The following ATOSA variants were observed in gnomAD, a reference collection of about 807,000 sequenced individuals.
ATOSA encodes the protein atos homolog protein A.
chr15:52,601,112 T>C, the ATOSA span: 3 of 1,540,852 alleles, frequency 1.9e-6, no homozygotes, highest in Non-Finnish European at 8.7e-7. Flanking sequence ...TTTTCAGATG[T>C]AGTAATGAAG....
chr15:52,647,265 T>G, the ATOSA span, among the ~76,000 whole-genome samples: 30 of 152,098 alleles, frequency 2.0e-4, no homozygotes, highest in Non-Finnish European at 4.0e-4. Flanking sequence ...TCACAAAAAT[T>G]TTACCCTTGA....
the ATOSA span, chr15:52,582,048 G>A: frequency 1.1e-5 from 10 of 908,196 alleles, no homozygotes; most frequent in Admixed American, 1.2e-4. Flanking sequence ...CAGGATAACA[G>A]GAGAGAATCC....
At chr15:52,614,451 TA>T in the ATOSA span, among the ~76,000 whole-genome samples, 1 of 152,060 alleles carries the variant, frequency 6.6e-6, no homozygotes, top group African/African-American at 2.4e-5. Flanking sequence ...CTTTTCTAAT[TA>T]AAAAGTGACA....
chr15:52,581,720 C>T, the ATOSA span: 1 of 153,546 alleles, frequency 6.5e-6, no homozygotes, highest in African/African-American at 2.4e-5. Context: ...ATGAACAGCA[C>T]TTAACACATT....
chr15:52,593,039 G>A, the ATOSA span, among the ~76,000 whole-genome samples: 2 of 152,086 alleles, frequency 1.3e-5, no homozygotes, highest in African/African-American at 4.8e-5. Flanking sequence ...CAGCTATTTA[G>A]GAGCTCCAAG....
chr15:52,608,426 T>C, the ATOSA span: 1 of 712,544 alleles, frequency 1.4e-6, no homozygotes, highest in Non-Finnish European at 2.1e-6. Context: ...TTAATACTAG[T>C]TCTGTAGGTT....
chr15:52,676,064 CAG>C, the ATOSA span, among the ~76,000 whole-genome samples: 12 of 151,770 alleles, frequency 7.9e-5, no homozygotes, highest in Non-Finnish European at 1.6e-4. Flanking sequence ...ACATAAAAAT[CAG>C]AATAAAAAAA....
At chr15:52,644,929 C>A in the ATOSA span, among the ~76,000 whole-genome samples, 1,852 of 152,270 alleles carry the variant, frequency 0.012, 23 homozygotes, top group African/African-American at 0.034. Context: ...CTTATGTGAG[C>A]AGCTGAGGGC....
the ATOSA span, chr15:52,611,668 C>G: frequency 2.5e-6 from 4 of 1,613,944 alleles, no homozygotes; most frequent in Non-Finnish European, 3.4e-6. Flanking sequence ...TGTGGTGGGC[C>G]CATCATCGCT....
At chr15:52,684,667 T>G in the ATOSA span, among the ~76,000 whole-genome samples, 6 of 152,256 alleles carry the variant, frequency 3.9e-5, no homozygotes, top group Admixed American at 3.9e-4. Context: ...GTGAATCTAA[T>G]TTTTTAACTG....
chr15:52,635,181 G>A, the ATOSA span, among the ~76,000 whole-genome samples: 3 of 152,100 alleles, frequency 2.0e-5, no homozygotes. Context: ...AGGAGAAATA[G>A]AAACACCCAC....
the ATOSA span, chr15:52,609,224 A>G: frequency 6.2e-6 from 10 of 1,611,858 alleles, no homozygotes; most frequent in Non-Finnish European, 8.5e-6. Context: ...GAAGTAAAAC[A>G]TTTATTAGGT....
At chr15:52,663,324 T>C in the ATOSA span, among the ~76,000 whole-genome samples, 2 of 152,236 alleles carry the variant, frequency 1.3e-5, no homozygotes, top group South Asian at 2.1e-4. Flanking sequence ...TCATTCCCTA[T>C]GACCTTTGAT....
the ATOSA span, chr15:52,609,342 T>C: frequency 6.2e-7 from 1 of 1,614,008 alleles, no homozygotes; most frequent in Non-Finnish European, 8.5e-7. Flanking sequence ...TGTCTTCATA[T>C]GAACTCCTAA....
the ATOSA span, among the ~76,000 whole-genome samples, chr15:52,600,633 G>C: frequency 2.0e-5 from 3 of 151,968 alleles, no homozygotes; most frequent in Non-Finnish European, 2.9e-5. Flanking sequence ...GTGGAATTTA[G>C]AACATATCAC....
chr15:52,632,440 G>C, the ATOSA span, among the ~76,000 whole-genome samples: 2,683 of 152,272 alleles, frequency 0.018, 76 homozygotes, highest in African/African-American at 0.062. Flanking sequence ...CTGTGATGGT[G>C]AAACAGTGTA....
chr15:52,609,028 T>C, the ATOSA span: 2 of 1,613,386 alleles, frequency 1.2e-6, no homozygotes, highest in Non-Finnish European at 1.7e-6. Flanking sequence ...TTCTTGCTCC[T>C]TGAATCTGCT....
chr15:52,587,469 TA>T, the ATOSA span: 1 of 298,008 alleles, frequency 3.4e-6, no homozygotes, highest in Non-Finnish European at 6.2e-6. Flanking sequence ...ACTATTAAGA[TA>T]TAGGAATAAA....
the ATOSA span, among the ~76,000 whole-genome samples, chr15:52,685,431 T>C: frequency 7.7e-6 from 1 of 130,524 alleles, no homozygotes; most frequent in Non-Finnish European, 1.8e-5. Flanking sequence ...TTTTTTTTGT[T>C]TTGTTTTGTT....
Sources: allele counts gnomAD v4.1 joint callset (sites outside exome capture counted in the v4.1 genomes callset), GRCh38; gene constraint gnomAD v4.1.1; transcripts MANE v1.5; gene names NCBI Gene and HGNC (gene_info 2026-07-23, HGNC 2026-07-21).